Variants in ENOX2 observed in about 807,000 individuals in gnomAD.
ENOX2 encodes the protein APK1 antigen.
A neutral mutation model predicts 45.0 loss-of-function variants in ENOX2; 36 were observed. The observed-to-expected ratio is 0.80, with a 90% confidence interval of 0.61 to 1.06. ENOX2 has a LOEUF of 1.06. Ranked by LOEUF, ENOX2 falls within the 50% of genes least tolerant of loss-of-function variation. The pLI, the probability that ENOX2 is intolerant of heterozygous loss-of-function variation, is 0.00. For synonymous variants in ENOX2, 174 were observed against 152.3 expected (o/e 1.14, Z -1.05); for missense variants, 423 against 462.5 (o/e 0.91, Z 0.78).
At chrX:130,723,842 T>C (rs914855247) in intron 3 of ENOX2, among the ~76,000 whole-genome samples, 7 of 111,866 alleles carry the variant, frequency 6.3e-5, no homozygotes, top group Non-Finnish European at 1.3e-4. Context: ...TCTAAATGCC[T>C]ATTAGCATTT....
chrX:130,645,651 G>A, intron 10 of ENOX2: 1 of 439,068 alleles, frequency 2.3e-6, no homozygotes, highest in South Asian at 3.5e-5. Flanking sequence ...GAGGGATGGG[G>A]CTGCCCAGCA....
intron 2 of ENOX2, among the ~76,000 whole-genome samples, chrX:130,866,826 A>C (rs2078499065): frequency 9.0e-6 from 1 of 110,587 alleles, no homozygotes; most frequent in Non-Finnish European, 1.9e-5. Context: ...AGGCTACTTA[A>C]CAGTAAGACA....
At chrX:130,833,011 T>TCACACACACACA (rs10568834) in intron 2 of ENOX2, among the ~76,000 whole-genome samples, 140 of 82,986 alleles carry the variant, frequency 1.7e-3, no homozygotes, top group Non-Finnish European at 2.8e-3. Flanking sequence ...TCATGTATAA[T>TCACACACACACA]CACACACACA....
chrX:130,627,849 C>A (rs2035588992), intron 14 of ENOX2, 109 bp downstream of exon 14: 1 of 551,875 alleles, frequency 1.8e-6, no homozygotes, highest in Non-Finnish European at 3.2e-6. Flanking sequence ...GTGAGGGAAA[C>A]TTCCTGAAAG....
intron 3 of ENOX2, among the ~76,000 whole-genome samples, chrX:130,715,984 C>T (rs1431072856): frequency 9.0e-6 from 1 of 111,437 alleles, no homozygotes; most frequent in Non-Finnish European, 1.9e-5. Flanking sequence ...CCTCTGATAT[C>T]TTATGGAAAA....
intron 14 of ENOX2, among the ~76,000 whole-genome samples, chrX:130,627,398 C>T (rs1212836722): frequency 2.7e-5 from 3 of 110,919 alleles, no homozygotes; most frequent in South Asian, 3.8e-4. Context: ...CTGGGCAACA[C>T]GGCAAAACCC....
At chrX:130,680,356 T>C (rs1444519588) in intron 5 of ENOX2, among the ~76,000 whole-genome samples, 1 of 111,755 alleles carries the variant, frequency 8.9e-6, no homozygotes, top group Admixed American at 9.5e-5. Flanking sequence ...TTTCCTCAAA[T>C]TCCTTGCTGG....
chrX:130,766,762 T>C (rs1359799935), intron 3 of ENOX2, among the ~76,000 whole-genome samples: 1 of 112,045 alleles, frequency 8.9e-6, no homozygotes, highest in East Asian at 2.8e-4. Context: ...GGTCTATTTC[T>C]GGGTTATTAT....
chrX:130,731,361 G>A (rs1016453544), intron 3 of ENOX2, among the ~76,000 whole-genome samples: 3 of 112,043 alleles, frequency 2.7e-5, no homozygotes, highest in African/African-American at 9.7e-5. Context: ...ATTCTCTTTT[G>A]CTAGTTTTGG....
intron 2 of ENOX2, among the ~76,000 whole-genome samples, chrX:130,799,381 TG>T (rs1267858045): frequency 8.9e-6 from 1 of 112,204 alleles, no homozygotes; most frequent in African/African-American, 3.2e-5. Flanking sequence ...TTTGAGGTTT[TG>T]GGACTCAGAG....
At chrX:130,719,172 T>C (rs755043829) in intron 3 of ENOX2, among the ~76,000 whole-genome samples, 1 of 111,214 alleles carries the variant, frequency 9.0e-6, no homozygotes, top group South Asian at 3.8e-4. Flanking sequence ...GCAAACGATA[T>C]AACCAAATCT....
intron 3 of ENOX2, among the ~76,000 whole-genome samples, chrX:130,706,074 A>G (rs2038030404): frequency 8.9e-6 from 1 of 111,863 alleles, no homozygotes. Context: ...TTCTCATAAC[A>G]TTTTATCTAG....
intron 10 of ENOX2, among the ~76,000 whole-genome samples, chrX:130,651,708 G>A (rs755932290): frequency 9.0e-6 from 1 of 111,693 alleles, no homozygotes; most frequent in Non-Finnish European, 1.9e-5. Context: ...ATTCCAAATC[G>A]GTTCCCTTCT....
intron 3 of ENOX2, among the ~76,000 whole-genome samples, chrX:130,723,275 C>A (rs1213375354): frequency 8.9e-6 from 1 of 112,180 alleles, no homozygotes; most frequent in African/African-American, 3.2e-5. Flanking sequence ...ACAGTACTAC[C>A]AACTACAGCA....
intron 3 of ENOX2, among the ~76,000 whole-genome samples, chrX:130,752,107 CG>C (rs2039235715): frequency 9.0e-6 from 1 of 111,270 alleles, no homozygotes; most frequent in East Asian, 2.8e-4. Flanking sequence ...CAATATGTCC[CG>C]GACATGACTC....
At chrX:130,836,475 T>A (rs74894921) in intron 2 of ENOX2, among the ~76,000 whole-genome samples, 4 of 109,945 alleles carry the variant, frequency 3.6e-5, no homozygotes, top group African/African-American at 1.3e-4. Context: ...AAAAAAAAAA[T>A]GAGCACATTC....
chrX:130,805,785 T>G lies in ENOX2; in HGVS notation c.-182-22095A>C, dbSNP rs2077288820. Among the ~76,000 whole-genome samples, 3 of 111,935 alleles carry G rather than the reference T, an allele frequency of 2.7e-5. No homozygotes were observed. In the South Asian group the frequency reaches 1.1e-3, roughly 42 times the overall value. ...AGACATAGTGAATGGAGTTACTGTC[T>G]CCTTTATTTAGGAAAAAATGTCAAT... On this transcript the variant is annotated intron_variant, in intron 2 of 14. Transcript: ENST00000394363.
chrX:130,748,690 A>T (rs2039149578), intron 3 of ENOX2, among the ~76,000 whole-genome samples: 1 of 111,973 alleles, frequency 8.9e-6, no homozygotes. Context: ...TGAGGAAAAA[A>T]GCTATTTTTT....
At chrX:130,707,507 T>TAC (rs10536173) in intron 3 of ENOX2, among the ~76,000 whole-genome samples, 5,100 of 97,310 alleles carry the variant, frequency 0.052, 136 homozygotes, top group Admixed American at 0.1. Context: ...TTTTGAAGAC[T>TAC]ACACACACAC....
Sources: allele counts gnomAD v4.1 joint callset (sites outside exome capture counted in the v4.1 genomes callset), GRCh38; gene constraint gnomAD v4.1.1; transcripts MANE v1.5; gene names NCBI Gene and HGNC (gene_info 2026-07-23, HGNC 2026-07-21).